NETO1: variants seen among roughly 807,000 people sequenced by gnomAD.
The protein encoded by NETO1 is neuropilin and tolloid-like protein 1.
In NETO1, 26 loss-of-function variants were observed where a neutral mutation model predicts 61.3. That is an observed-to-expected ratio of 0.42 (90% confidence interval 0.31 to 0.59). The LOEUF (loss-of-function observed/expected upper bound fraction) is 0.59. Ranked by LOEUF, NETO1 falls within the 20% of genes least tolerant of loss-of-function variation. The pLI is 0.12. For missense variants in NETO1, 531 were observed against 662.8 expected (o/e 0.80, Z 2.18); for synonymous variants, 225 against 225.8 (o/e 1.00, Z 0.03).
Position 72,746,641 on chromosome 18 carries a change from A to T in NETO1, c.*1538T>A, listed in dbSNP as rs1221097618. The stretch of plus-strand genomic sequence containing the variant: ...TAGTAGGGAAGTATAACAGTAATTC[A>T]TCTAGTTTGCAAAGCCTGCTTGAAT... On this transcript the variant is annotated 3_prime_UTR_variant, in exon 11 of 11. Coordinates refer to ENST00000327305, the MANE Select transcript of NETO1 (RefSeq NM_138966.5). Among the ~76,000 whole-genome samples, 1 of 151,822 alleles carries T rather than the reference A, an allele frequency of 6.6e-6. No individual in the cohort carries two copies. The highest frequency in any genetic ancestry group is 1.5e-5 in the Non-Finnish European group (1 of 67,906).
At chr18:72,844,617 C>T (rs1208869611) in intron 4 of NETO1, among the ~76,000 whole-genome samples, 1 of 152,192 alleles carries the variant, frequency 6.6e-6, no homozygotes, top group African/African-American at 2.4e-5. Context: ...TATCTGGCGT[C>T]TCACTCATTC....
In NETO1 at chr18:72,830,977, A is replaced by G. The variant is rs12455442; in HGVS notation, c.469+27849T>C. 0.06 allele frequency among the ~76,000 whole-genome samples: 9,160 copies of G among 152,096 alleles called. 817 individuals are homozygous for G. Among genetic ancestry groups the G allele is most frequent in the African/African-American group, 0.19 (7,683 of 41,418 alleles). On this transcript the variant is annotated intron_variant, in intron 4 of 10. Transcript: ENST00000327305. This position sits in a 1 kb window ranked among gnomAD's most constrained non-coding sequence, Gnocchi z 4.9. ...CTGCAAAATCTTCTTGATGAGGTAT[A>G]CTATTACCTCATCAAGGTAACAGAA...
intron 4 of NETO1, among the ~76,000 whole-genome samples, chr18:72,816,000 G>A (rs1446188874): frequency 1.3e-5 from 2 of 151,958 alleles, no homozygotes; most frequent in Non-Finnish European, 2.9e-5. Context: ...ATAGAGGTAA[G>A]GTACATATAG....
At chr18:72,777,741 T>G (rs917369109) in intron 7 of NETO1, among the ~76,000 whole-genome samples, 2 of 152,308 alleles carry the variant, frequency 1.3e-5, no homozygotes, top group East Asian at 1.9e-4. Context: ...AGACTCCATC[T>G]CAAATAAACA....
intron 4 of NETO1, among the ~76,000 whole-genome samples, chr18:72,846,216 G>A (rs1259384668): frequency 6.6e-6 from 1 of 151,522 alleles, no homozygotes; most frequent in Non-Finnish European, 1.5e-5. Flanking sequence ...GTCAATAAAA[G>A]AGATGCGGCC....
chr18:72,794,592 AATTTAGT>A (rs1474448347), intron 4 of NETO1, among the ~76,000 whole-genome samples, 188 bp from the exon 5 acceptor site: 1 of 152,206 alleles, frequency 6.6e-6, no homozygotes, highest in African/African-American at 2.4e-5. Flanking sequence ...CTGAAATGTT[AATTTAGT>A]ATTACTACAA....
intron 7 of NETO1, among the ~76,000 whole-genome samples, chr18:72,775,244 T>C (rs568671517): frequency 6.6e-6 from 1 of 152,200 alleles, no homozygotes; most frequent in Non-Finnish European, 1.5e-5. Context: ...TTACTGGCAT[T>C]AGATAAATTT....
chr18:72,771,543 G>C (rs545423897), intron 7 of NETO1, among the ~76,000 whole-genome samples: 3 of 151,882 alleles, frequency 2.0e-5, no homozygotes, highest in Non-Finnish European at 4.4e-5. Flanking sequence ...GTTTAATGAA[G>C]GAATAAAAGA....
intron 8 of NETO1, among the ~76,000 whole-genome samples, chr18:72,751,119 T>C (rs777871535): frequency 1.3e-5 from 2 of 150,194 alleles, no homozygotes; most frequent in African/African-American, 4.9e-5. Flanking sequence ...TACCAAAGGA[T>C]AATTCAATTC....
rs760767289 is a variant in NETO1, at chr18:72,744,197, G to C, written c.*3982C>G. On this transcript the variant is annotated 3_prime_UTR_variant, in exon 11 of 11. Transcript: ENST00000327305. ...GAGTTGATATGAGTGTCTGACATCA[G>C]TCACCCTAATTGTTATTTTTATTAC... The C allele has an allele frequency of 6.6e-6, 1 of 152,138 alleles. No individual in the cohort carries two copies. The highest frequency in any genetic ancestry group is 1.5e-5 in the Non-Finnish European group (1 of 68,030). 9.4% of individuals were successfully genotyped at this position (152,138 alleles called of 1,614,324 possible).
chr18:72,763,545 C>T (rs767800100), intron 7 of NETO1, among the ~76,000 whole-genome samples: 1 of 152,080 alleles, frequency 6.6e-6, no homozygotes, highest in Non-Finnish European at 1.5e-5. Context: ...GGCACAGCCA[C>T]AGGCTGTCTC....
intron 4 of NETO1, among the ~76,000 whole-genome samples, chr18:72,802,428 G>A (rs2072538972): frequency 6.6e-6 from 1 of 152,210 alleles, no homozygotes; most frequent in Non-Finnish European, 1.5e-5. Flanking sequence ...GCTTAGACAA[G>A]AAGACAGAGT....
intron 4 of NETO1, among the ~76,000 whole-genome samples, chr18:72,831,975 G>C (rs1276601047): frequency 1.3e-5 from 2 of 151,572 alleles, no homozygotes; most frequent in African/African-American, 4.8e-5. Context: ...AGCATAGTTT[G>C]AGTTAAAGGC....
chr18:72,839,263 T>C (rs2145460033), intron 4 of NETO1, among the ~76,000 whole-genome samples: 1 of 152,304 alleles, frequency 6.6e-6, no homozygotes, highest in Non-Finnish European at 1.5e-5. Context: ...AGAGTGGGTT[T>C]GGATATTAGC....
intron 4 of NETO1, among the ~76,000 whole-genome samples, chr18:72,814,379 A>T (rs1411132370): frequency 6.6e-6 from 1 of 152,180 alleles, no homozygotes; most frequent in Non-Finnish European, 1.5e-5. Context: ...CTAATAGGAC[A>T]GGGGAAAAAG....
chr18:72,861,672 T>G (rs1568274493), intron 3 of NETO1, among the ~76,000 whole-genome samples: 2 of 152,194 alleles, frequency 1.3e-5, no homozygotes, highest in Admixed American at 6.5e-5. Flanking sequence ...ATCCTCTTTT[T>G]CGTGACTGGG....
chr18:72,784,467 T>C (rs2071847377), intron 6 of NETO1, among the ~76,000 whole-genome samples: 2 of 152,200 alleles, frequency 1.3e-5, no homozygotes, highest in South Asian at 2.1e-4. Context: ...TGTCCATTCA[T>C]GCCATATATA....
chr18:72,834,976 A>T, intron 4 of NETO1: 1 of 821,490 alleles, frequency 1.2e-6, no homozygotes. Flanking sequence ...TTAACACAAT[A>T]TTACATAAAA....
chr18:72,861,407 T>C (rs1398815897), intron 3 of NETO1, among the ~76,000 whole-genome samples: 1 of 152,130 alleles, frequency 6.6e-6, no homozygotes, highest in Admixed American at 6.5e-5. Context: ...TAGAAACTAT[T>C]TGAAGCTCTC....
Sources: gnomAD v4.1 joint callset for allele counts (sites outside exome capture counted in the v4.1 genomes callset) on GRCh38, gnomAD v4.1.1 for gene constraint, Gnocchi (gnomAD v3.1) non-coding constraint, MANE v1.5 for transcripts, NCBI Gene and HGNC (gene_info 2026-07-23, HGNC 2026-07-21) for gene names.